FBXL7: variants seen among roughly 807,000 people sequenced by gnomAD.
The protein encoded by FBXL7 is F-box/LRR-repeat protein 7.
FBXL7 carries 12 observed loss-of-function variants against 38.3 expected under a neutral mutation model. The ratio of observed to expected loss-of-function variants is 0.31; its 90% CI spans 0.20 to 0.51. The LOEUF (loss-of-function observed/expected upper bound fraction) is 0.51, where lower values mean the gene tolerates loss of function less well. Ranked by LOEUF, FBXL7 falls within the 20% of genes least tolerant of loss-of-function variation. FBXL7 has a pLI of 0.98. For missense variants in FBXL7, 567 were observed against 676.4 expected, an observed-to-expected ratio of 0.84 and a Z score of 1.79; for synonymous variants, 297 against 300.9, an observed-to-expected ratio of 0.99 and a Z score of 0.13.
chr5:15,745,223 T>G (rs1735983502), intron 2 of FBXL7, among the ~76,000 whole-genome samples: 2 of 107,708 alleles, frequency 1.9e-5, no homozygotes, highest in African/African-American at 3.1e-5. Context: ...AGTGTATTAT[T>G]TCTCAAAAAA....
At chr5:15,858,996 A>G (rs1739357929) in intron 2 of FBXL7, among the ~76,000 whole-genome samples, 1 of 152,208 alleles carries the variant, frequency 6.6e-6, no homozygotes, top group African/African-American at 2.4e-5. Flanking sequence ...TTGAAATAAA[A>G]CATACCTTGG....
intron 2 of FBXL7, among the ~76,000 whole-genome samples, chr5:15,674,589 A>G (rs1258368625): frequency 6.6e-6 from 1 of 152,172 alleles, no homozygotes; most frequent in African/African-American, 2.4e-5. Flanking sequence ...ATCATAACTC[A>G]TAGGGTTTGT....
chr5:15,702,706 C>A lies in FBXL7; in HGVS notation c.127+86634C>A, dbSNP rs76007303. Among the ~76,000 whole-genome samples, 42 of 152,256 alleles carry A rather than the reference C, an allele frequency of 2.8e-4. 1 individual carries two copies. The East Asian group carries it at 8.1e-3, about 29-fold the overall frequency. On this transcript the variant is annotated intron_variant, in intron 2 of 3. Transcript: ENST00000504595. The stretch of plus-strand genomic sequence containing the variant: ...TTCTAGTTGACTCTTCTCTGTAGAT[C>A]AAAATATTTTTAATTGAGAAAATAC...
chr5:15,783,191 G>A (rs1331870756), intron 2 of FBXL7, among the ~76,000 whole-genome samples: 2 of 152,174 alleles, frequency 1.3e-5, no homozygotes, highest in Non-Finnish European at 2.9e-5. Context: ...CACGGGTGGT[G>A]GAGAAATAGT....
chr5:15,539,088 T>A (rs942502832), intron 1 of FBXL7, among the ~76,000 whole-genome samples: 48 of 152,364 alleles, frequency 3.2e-4, no homozygotes, highest in Admixed American at 1.0e-3. Context: ...AACATACTTA[T>A]ATACCTGAGC....
At chr5:15,760,227 C>A (rs1736403841) in intron 2 of FBXL7, among the ~76,000 whole-genome samples, 1 of 151,902 alleles carries the variant, frequency 6.6e-6, no homozygotes, top group Admixed American at 6.6e-5. Flanking sequence ...ATTGTGCACA[C>A]CTACAAAGCA....
At chr5:15,508,611 A>G (rs1013298461) in intron 1 of FBXL7, among the ~76,000 whole-genome samples, 1 of 152,152 alleles carries the variant, frequency 6.6e-6, no homozygotes, top group Non-Finnish European at 1.5e-5. Flanking sequence ...CTGACCCTGA[A>G]CCACGTTCCC....
intron 1 of FBXL7, chr5:15,580,540 TA>T: frequency 1.3e-6 from 1 of 793,694 alleles, no homozygotes; most frequent in Non-Finnish European, 1.5e-6. Flanking sequence ...TGTTCCTGGA[TA>T]AGCAAACCAA....
chr5:15,558,519 T>C (rs1434259242), intron 1 of FBXL7, among the ~76,000 whole-genome samples: 5 of 152,218 alleles, frequency 3.3e-5, no homozygotes, highest in Admixed American at 6.5e-5. Context: ...ATGGCATATA[T>C]GGTTTCTGAG....
At chr5:15,904,898 C>G (rs1040262358) in intron 2 of FBXL7, among the ~76,000 whole-genome samples, 1 of 152,120 alleles carries the variant, frequency 6.6e-6, no homozygotes, top group Non-Finnish European at 1.5e-5. Flanking sequence ...TATGCAACAT[C>G]GTAGTATGTA....
chr5:15,762,101 G>A (rs573236342), intron 2 of FBXL7, among the ~76,000 whole-genome samples: 58 of 152,162 alleles, frequency 3.8e-4, no homozygotes, highest in Admixed American at 1.1e-3. Context: ...GACACCCAGC[G>A]TTTGACTGGG....
rs114998838 is a variant in FBXL7 at position 15,665,325 on chromosome 5, C to T, written c.127+49253C>T. ...GGACCTTTAGCTTTGTAAACTAACC[C>T]TCTAGTCCAAACTTGGTCTTTAAAA... On this transcript the variant is annotated intron_variant, in intron 2 of 3. Transcript: ENST00000504595. Among the ~76,000 whole-genome samples, 520 of 152,300 alleles carry T rather than the reference C, an allele frequency of 3.4e-3. 3 individuals are homozygous for T. The highest frequency in any genetic ancestry group is 0.012 in the African/African-American group (494 of 41,564).
intron 2 of FBXL7, among the ~76,000 whole-genome samples, chr5:15,834,184 A>G (rs1334893216): frequency 1.3e-5 from 2 of 152,236 alleles, no homozygotes; most frequent in Admixed American, 6.5e-5. Flanking sequence ...TCAATATCAT[A>G]TAGGTGGAAC....
intron 2 of FBXL7, among the ~76,000 whole-genome samples, chr5:15,881,225 G>A (rs1427458181): frequency 6.6e-6 from 1 of 151,964 alleles, no homozygotes; most frequent in Non-Finnish European, 1.5e-5. Flanking sequence ...TCATTCTTAT[G>A]CCTTTGCATC....
At chr5:15,891,279 A>G (rs1341059866) in intron 2 of FBXL7, among the ~76,000 whole-genome samples, 2 of 152,186 alleles carry the variant, frequency 1.3e-5, no homozygotes, top group Admixed American at 6.6e-5. Context: ...AGCCTAACCT[A>G]GGGACAGTCA....
At chr5:15,543,521 A>G (rs1246905705) in intron 1 of FBXL7, among the ~76,000 whole-genome samples, 1 of 152,330 alleles carries the variant, frequency 6.6e-6, no homozygotes, top group Non-Finnish European at 1.5e-5. Context: ...GATACACAGC[A>G]GGCTTCAAGC....
chr5:15,803,397 G>A (rs1054422126), intron 2 of FBXL7, among the ~76,000 whole-genome samples: 1 of 152,088 alleles, frequency 6.6e-6, no homozygotes, highest in Non-Finnish European at 1.5e-5. Context: ...AGTAATTGAA[G>A]GGAGGTCACA....
intron 1 of FBXL7, among the ~76,000 whole-genome samples, chr5:15,542,085 A>G (rs1380733059): frequency 6.6e-6 from 1 of 151,756 alleles, no homozygotes; most frequent in African/African-American, 2.4e-5. Flanking sequence ...CTAAATGAAG[A>G]CTCATTTGGT....
intron 2 of FBXL7, among the ~76,000 whole-genome samples, chr5:15,716,361 G>A (rs1263552348): frequency 6.6e-6 from 1 of 152,190 alleles, no homozygotes; most frequent in Non-Finnish European, 1.5e-5. Flanking sequence ...TTGTATGAAT[G>A]TGGCAAGTTT....
Sources: gnomAD v4.1 joint callset for allele counts (sites outside exome capture counted in the v4.1 genomes callset) on GRCh38, gnomAD v4.1.1 for gene constraint, MANE v1.5 for transcripts, NCBI Gene and HGNC (gene_info 2026-07-23, HGNC 2026-07-21) for gene names.